NEO1: variants seen among roughly 807,000 people sequenced by gnomAD.
NEO1 encodes the protein neogenin 1, also known as neogenin.
Under a neutral mutation model 159.7 loss-of-function variants are expected in NEO1, and 63 were observed. The ratio of observed to expected loss-of-function variants is 0.39; its 90% CI spans 0.32 to 0.49. The LOEUF (loss-of-function observed/expected upper bound fraction) is 0.49. Ranked by LOEUF, NEO1 falls within the 20% of genes least tolerant of loss-of-function variation. The pLI, the probability that NEO1 is intolerant of heterozygous loss-of-function variation, is 0.85. For missense variants in NEO1, 1,615 were observed against 1,831.0 expected (o/e 0.88, Z 2.15); for synonymous variants, 633 against 662.0 (o/e 0.96, Z 0.67).
Position 73,158,253 on chromosome 15 carries a change from G to A in NEO1, c.1016-18150G>A, listed in dbSNP as rs373273194. Among the ~76,000 whole-genome samples the A allele has an allele frequency of 2.4e-4, 32 of 135,218 alleles. 1 individual carries two copies. In the South Asian group the frequency reaches 5.7e-3, roughly 24 times the overall value. 88.7% of individuals were successfully genotyped at this position (135,218 alleles called of 152,430 possible). ...TTTTTTACAATTTTTTCTTCTAGATGGCCTGCAGATTCAGCTTGTTAAATT... is the reference window on the plus strand; with the variant it reads ...TTTTTTACAATTTTTTCTTCTAGATAGCCTGCAGATTCAGCTTGTTAAATT... On this transcript the variant is annotated intron_variant, in intron 5 of 28. Transcript: ENST00000261908.
chr15:73,073,607 T>C (rs932724120), intron 1 of NEO1, among the ~76,000 whole-genome samples: 1 of 152,136 alleles, frequency 6.6e-6, no homozygotes, highest in Non-Finnish European at 1.5e-5. Context: ...TAGAAAGATT[T>C]GCATTCGACC....
At chr15:73,239,550 T>C (rs2039385731) in intron 8 of NEO1, among the ~76,000 whole-genome samples, 1 of 152,210 alleles carries the variant, frequency 6.6e-6, no homozygotes, top group Non-Finnish European at 1.5e-5. Flanking sequence ...ATTATACCAC[T>C]GTCTTTTTAC....
rs764584820 is a variant in NEO1 at position 73,116,516 on chromosome 15, T to C, written c.131-24T>C. 2.0e-6 allele frequency: 3 copies of C among 1,497,854 alleles called. No individual in the cohort carries two copies. In the South Asian group the frequency reaches 4.3e-5, roughly 21 times the overall value. 92.8% of individuals were successfully genotyped at this position (1,497,854 alleles called of 1,614,324 possible). On this transcript the variant is annotated intron_variant, in intron 1 of 28. Coordinates refer to ENST00000261908, the MANE Select transcript of NEO1 (RefSeq NM_002499.4). ...AATAGAAGAGAGATTTGCTTAACTT[T>C]GTTCTTTTTCTTTATTTTTGTAGGA... is the stretch of plus-strand genomic sequence containing the variant.
chr15:73,128,273 G>A lies in NEO1; in HGVS notation c.878+1703G>A, dbSNP rs866147126. 2.9e-4 allele frequency among the ~76,000 whole-genome samples: 44 copies of A among 151,056 alleles called. No homozygotes were observed. The Middle Eastern group carries it at 0.01, about 35-fold the overall frequency. ...TTTTTTTTGCCAACTGAAACATAGGGAACCTTAAAATAGTGATAAAAATGT... is the reference window on the plus strand; with the variant it reads ...TTTTTTTTGCCAACTGAAACATAGGAAACCTTAAAATAGTGATAAAAATGT... On this transcript the variant is annotated intron_variant, in intron 4 of 28. Coordinates refer to ENST00000261908, the MANE Select transcript of NEO1 (RefSeq NM_002499.4).
At position 73,298,400 on chromosome 15, in the gene NEO1, A is replaced by G; in HGVS notation, c.3954A>G (p.Gln1318=). The change falls in exon 27 of 29, where the codon CAA becomes CAG. Residue 1318 remains glutamine (Q), a synonymous_variant. Coordinates refer to ENST00000261908, the MANE Select transcript of NEO1 (RefSeq NM_002499.4). ...STDTMPASSS[Q]TCCTDHQDPE... is the part of the protein sequence containing the mutation. ...ACACCATGCCAGCCTCTTCGTCTCAAACATGCTGCACTGATCACCAGGACC... is the reference window on the plus strand; with the variant it reads ...ACACCATGCCAGCCTCTTCGTCTCAGACATGCTGCACTGATCACCAGGACC... The G allele has an allele frequency of 6.2e-7, 1 of 1,614,206 alleles. No individual in the cohort carries two copies. The highest frequency in any genetic ancestry group is 8.5e-7 in the Non-Finnish European group (1 of 1,180,036).
At position 73,052,612 on chromosome 15, in the gene NEO1, G is replaced by A. The variant is rs2067504191; in HGVS notation, c.-64G>A. On this transcript the variant is annotated 5_prime_UTR_variant, in exon 1 of 29. Transcript: ENST00000261908. The stretch of plus-strand genomic sequence containing the variant: ...GCGAGGGACCGGCTGAGGCGCGCGG[G>A]AGGGAAGGAGGCAAGGGCTCCGCGG... 1.9e-6 allele frequency: 2 copies of A among 1,056,442 alleles called. No individual in the cohort carries two copies. The highest frequency in any genetic ancestry group is 1.7e-5 in the African/African-American group (1 of 58,284). 65.4% of individuals were successfully genotyped at this position (1,056,442 alleles called of 1,614,324 possible). A position where few individuals can be genotyped will look rare whatever the true frequency, so the allele number is the denominator to read the frequency against.
At chr15:73,216,642 A>G (rs1012118750) in intron 7 of NEO1, among the ~76,000 whole-genome samples, 8 of 151,938 alleles carry the variant, frequency 5.3e-5, no homozygotes, top group Admixed American at 3.3e-4. Context: ...GTGTGAGATG[A>G]TATCTCATTG....
At position 73,304,272 on chromosome 15, in the gene NEO1, G is replaced by T. The variant is rs1272265662; in HGVS notation, c.*1576G>T. On this transcript the variant is annotated 3_prime_UTR_variant, in exon 29 of 29. Transcript: ENST00000261908. ...AAAAGGTAAGGAGCTGAGGTGTGTG[G>T]TTTTTTAATATTAAGAATATATAAT... The T allele has an allele frequency of 1.3e-5, 2 of 152,148 alleles. No individual in the cohort carries two copies. Among genetic ancestry groups the T allele is most frequent in the African/African-American group, 4.8e-5 (2 of 41,420 alleles). 9.4% of individuals were successfully genotyped at this position (152,148 alleles called of 1,614,324 possible). A position where few individuals can be genotyped will look rare whatever the true frequency, so the allele number is the denominator to read the frequency against.
chr15:73,193,995 AGCATCTCGGTTTACCAGTG>A (rs1207282127), intron 7 of NEO1, among the ~76,000 whole-genome samples: 4 of 152,148 alleles, frequency 2.6e-5, no homozygotes, highest in African/African-American at 9.7e-5. Context: ...GAGAATAGCC[AGCATCTCGGTTTACCAGTG>A]TTGAGAGAAG....
chr15:73,157,275 C>T (rs1018053644), intron 5 of NEO1, among the ~76,000 whole-genome samples: 5 of 152,296 alleles, frequency 3.3e-5, no homozygotes, highest in Middle Eastern at 3.4e-3. Context: ...TGCTTGAGTC[C>T]CAGTTCTTCA....
intron 5 of NEO1, among the ~76,000 whole-genome samples, chr15:73,174,214 C>T (rs1041478665): frequency 2.0e-4 from 31 of 152,216 alleles, no homozygotes; most frequent in African/African-American, 7.0e-4. Context: ...ACCTCTTGAG[C>T]TGAGGGAGAG....
intron 3 of NEO1, 97 bp downstream of exon 3, chr15:73,122,897 C>T (rs896789120): frequency 2.9e-5 from 41 of 1,420,968 alleles, no homozygotes; most frequent in Non-Finnish European, 3.8e-5. Flanking sequence ...TGGCCGGGCG[C>T]AGTGGCTCAC....
chr15:73,207,801 A>G (rs958828838), intron 7 of NEO1, among the ~76,000 whole-genome samples: 1 of 152,148 alleles, frequency 6.6e-6, no homozygotes. Context: ...TTATAAATGC[A>G]TCCTTATTGG....
chr15:73,113,977 C>T (rs1323885014), intron 1 of NEO1, among the ~76,000 whole-genome samples: 2 of 151,952 alleles, frequency 1.3e-5, no homozygotes, highest in African/African-American at 4.8e-5. Context: ...ATAAGGGTAC[C>T]AGGAGCCAAG....
At chr15:73,160,269 T>G (rs2034077442) in intron 5 of NEO1, among the ~76,000 whole-genome samples, 1 of 152,226 alleles carries the variant, frequency 6.6e-6, no homozygotes. Context: ...TCCCAGAATG[T>G]GGGGGTTATT....
chr15:73,075,544 G>A (rs779966688), intron 1 of NEO1, among the ~76,000 whole-genome samples: 50 of 152,104 alleles, frequency 3.3e-4, no homozygotes, highest in Non-Finnish European at 6.2e-4. Context: ...TTCTGAAAGT[G>A]GAAACAGATT....
intron 6 of NEO1, among the ~76,000 whole-genome samples, chr15:73,177,934 T>G (rs1373794327): frequency 1.3e-5 from 2 of 152,222 alleles, no homozygotes; most frequent in Non-Finnish European, 2.9e-5. Flanking sequence ...CTGTTAGAAC[T>G]ATTGATATTA....
chr15:73,278,406 A>G (rs1030492494), intron 22 of NEO1, among the ~76,000 whole-genome samples: 3 of 152,186 alleles, frequency 2.0e-5, no homozygotes, highest in Admixed American at 2.0e-4. Flanking sequence ...CAGTTATCCA[A>G]CTTAAGATTA....
intron 8 of NEO1, among the ~76,000 whole-genome samples, chr15:73,243,540 T>A (rs1596460799): frequency 6.6e-6 from 1 of 152,208 alleles, no homozygotes; most frequent in African/African-American, 2.4e-5. Context: ...GATTATGCAG[T>A]CTGGTTTTCA....
Sources: gnomAD v4.1 joint callset for allele counts (sites outside exome capture counted in the v4.1 genomes callset) on GRCh38, gnomAD v4.1.1 for gene constraint, MANE v1.5 for transcripts, NCBI Gene and HGNC (gene_info 2026-07-23, HGNC 2026-07-21) for gene names.